The following PXDNL variants were observed in gnomAD, a reference collection of about 807,000 sequenced individuals.
PXDNL encodes the protein probable oxidoreductase PXDNL.
In PXDNL, 145 loss-of-function variants were observed where a neutral mutation model predicts 150.8. The ratio of observed to expected loss-of-function variants is 0.96; its 90% CI spans 0.84 to 1.10. The LOEUF is 1.10. PXDNL is among the 50% of genes least tolerant of loss of function. The pLI is 0.00. For missense variants in PXDNL, 2,087 were observed against 1,873.9 expected, an observed-to-expected ratio of 1.11 and a Z score of -2.10; for synonymous variants, 757 against 725.7, an observed-to-expected ratio of 1.04 and a Z score of -0.69.
chr8:51,644,251 T>C (rs1475552735), intron 2 of PXDNL, among the ~76,000 whole-genome samples: 1 of 144,600 alleles, frequency 6.9e-6, no homozygotes, highest in Non-Finnish European at 1.5e-5. Context: ...GAGACAGTTA[T>C]GCCAGTCTCT....
intron 3 of PXDNL, among the ~76,000 whole-genome samples, chr8:51,588,006 G>A (rs913659000): frequency 6.6e-6 from 1 of 152,100 alleles, no homozygotes; most frequent in Non-Finnish European, 1.5e-5. Context: ...AATACACAGG[G>A]TACCATGTTA....
intron 2 of PXDNL, among the ~76,000 whole-genome samples, chr8:51,600,227 T>G (rs1289516039): frequency 7.2e-6 from 1 of 138,322 alleles, no homozygotes; most frequent in African/African-American, 2.7e-5. Context: ...TCATATAAAT[T>G]ATATCGTTTA....
intron 4 of PXDNL, among the ~76,000 whole-genome samples, chr8:51,515,419 G>A (rs578077859): frequency 6.6e-6 from 1 of 152,250 alleles, no homozygotes; most frequent in East Asian, 1.9e-4. Flanking sequence ...AAGCTGACTT[G>A]GAAACAAAGT....
chr8:51,410,880 T>G (rs1808616501), intron 16 of PXDNL, among the ~76,000 whole-genome samples: 1 of 152,170 alleles, frequency 6.6e-6, no homozygotes. Context: ...TCAAGTAAAT[T>G]CACTGAATGA....
chr8:51,518,522 G>T (rs768043665), intron 4 of PXDNL, among the ~76,000 whole-genome samples: 12 of 152,182 alleles, frequency 7.9e-5, no homozygotes, highest in Non-Finnish European at 1.5e-5. Context: ...AAGTTGTCAG[G>T]TAAGATGTTA....
At chr8:51,376,720 TCTCTC>T (rs994817092) in intron 17 of PXDNL, among the ~76,000 whole-genome samples, 24 of 150,240 alleles carry the variant, frequency 1.6e-4, no homozygotes, top group African/African-American at 6.0e-4. Context: ...CTTCTCTCTC[TCTCTC>T]TTTTTTTTTT....
rs545284646 is a variant in PXDNL, at chr8:51,376,711, TTCTCTC to T, written c.3558-1986_3558-1981del. On this transcript the variant is annotated intron_variant, in intron 17 of 22. Coordinates refer to ENST00000356297, the MANE Select transcript of PXDNL (RefSeq NM_144651.5). ...TGAGAGTTAACATGTTTTGCTTCTCTTCTCTCTCTCTCTCTTTTTTTTTTTTATACG... is the reference window on the plus strand; with the variant it reads ...TGAGAGTTAACATGTTTTGCTTCTCTTCTCTCTCTTTTTTTTTTTTATACG... Among the ~76,000 whole-genome samples the T allele has an allele frequency of 4.3e-3, 657 of 151,254 alleles. 6 individuals are homozygous for T. Among genetic ancestry groups the T allele is most frequent in the African/African-American group, 0.015 (608 of 41,020 alleles).
In PXDNL at chr8:51,371,935, T is replaced by C. The variant is rs1383178881; in HGVS notation, c.3839A>G (p.Asp1280Gly). 6.2e-7 allele frequency: 1 copy of C among 1,613,982 alleles called. No homozygotes were observed. ...DVFVKAEYPQ[D>G]YLNCSEIPKV... ...CGGGATCTCGCTGCAGTTCAGGTAATCCTGTGGGTATTCTGCCTTTACAAA... is the reference window on the plus strand; with the variant it reads ...CGGGATCTCGCTGCAGTTCAGGTAACCCTGTGGGTATTCTGCCTTTACAAA... Residue 1280 changes from aspartate (D) to glycine (G), a missense_variant, in exon 19 of 23, where the codon GAT becomes GGT. Coordinates refer to ENST00000356297, the MANE Select transcript of PXDNL (RefSeq NM_144651.5).
chr8:51,462,922 C>T (rs1810116236), intron 8 of PXDNL, among the ~76,000 whole-genome samples: 1 of 152,074 alleles, frequency 6.6e-6, no homozygotes, highest in Admixed American at 6.5e-5. Flanking sequence ...ATAGGGCTAA[C>T]AGCAGACTTC....
At chr8:51,446,240 T>C (rs1809669659) in intron 12 of PXDNL, among the ~76,000 whole-genome samples, 1 of 152,204 alleles carries the variant, frequency 6.6e-6, no homozygotes, top group Admixed American at 6.5e-5. Context: ...CTCATCAATA[T>C]ATGTTACCTC....
intron 5 of PXDNL, among the ~76,000 whole-genome samples, chr8:51,493,971 A>T (rs1458739118): frequency 3.3e-5 from 5 of 152,194 alleles, no homozygotes; most frequent in Admixed American, 1.3e-4. Context: ...TCCAAGACAC[A>T]TAATTGTCAG....
intron 2 of PXDNL, among the ~76,000 whole-genome samples, chr8:51,602,503 C>T (rs1342193307): frequency 2.0e-5 from 3 of 151,822 alleles, no homozygotes; most frequent in African/African-American, 7.2e-5. Context: ...CTTTTTTCTT[C>T]ATGCATATTT....
Position 51,609,847 on chromosome 8 carries a change from C to T in PXDNL, c.237-17149G>A, listed in dbSNP as rs576761942. Among the ~76,000 whole-genome samples, 4 of 152,268 alleles carry T rather than the reference C, an allele frequency of 2.6e-5. No individual in the cohort carries two copies. In the South Asian group the frequency reaches 8.3e-4, roughly 32 times the overall value. ...CATTTTAAATGTACGTAGAGAAGTG[C>T]TTCTGATATCACCTGCTAACAACCA... On this transcript the variant is annotated intron_variant, in intron 2 of 22. Coordinates refer to ENST00000356297, the MANE Select transcript of PXDNL (RefSeq NM_144651.5).
chr8:51,322,708 G>A (rs1271628551), intron 21 of PXDNL, among the ~76,000 whole-genome samples: 2 of 152,184 alleles, frequency 1.3e-5, no homozygotes, highest in Admixed American at 6.5e-5. Context: ...AAAAAATCAC[G>A]ATGAACTCAG....
intron 21 of PXDNL, 73 bp downstream of exon 21, chr8:51,339,551 A>ATGTTTT: frequency 7.1e-7 from 1 of 1,417,576 alleles, no homozygotes; most frequent in Non-Finnish European, 9.8e-7. Flanking sequence ...GTGGAGAGTT[A>ATGTTTT]CTGGACAAAT....
At chr8:51,694,813 T>C (rs908499025) in intron 1 of PXDNL, among the ~76,000 whole-genome samples, 3 of 152,252 alleles carry the variant, frequency 2.0e-5, no homozygotes, top group Admixed American at 1.3e-4. Context: ...TAGGACCATC[T>C]GAGTGTACTT....
intron 21 of PXDNL, among the ~76,000 whole-genome samples, chr8:51,331,765 C>T (rs1392822197): frequency 6.6e-6 from 1 of 152,036 alleles, no homozygotes; most frequent in Non-Finnish European, 1.5e-5. Context: ...CCATAATCCT[C>T]CTAGGTACTA....
intron 1 of PXDNL, among the ~76,000 whole-genome samples, chr8:51,670,090 T>A (rs1206741486): frequency 6.6e-6 from 1 of 151,982 alleles, no homozygotes; most frequent in Non-Finnish European, 1.5e-5. Flanking sequence ...TACAAAAATA[T>A]AGCCGGTTGT....
At chr8:51,518,428 T>C (rs543340174) in intron 4 of PXDNL, among the ~76,000 whole-genome samples, 1 of 152,302 alleles carries the variant, frequency 6.6e-6, no homozygotes, top group East Asian at 1.9e-4. Flanking sequence ...TATATACATA[T>C]GCATACAAGC....
Sources: allele counts gnomAD v4.1 joint callset (sites outside exome capture counted in the v4.1 genomes callset), GRCh38; gene constraint gnomAD v4.1.1; transcripts MANE v1.5; gene names NCBI Gene and HGNC (gene_info 2026-07-23, HGNC 2026-07-21).